SPMIP3: variants seen among roughly 807,000 people sequenced by gnomAD.
The protein encoded by SPMIP3 is protein SPMIP3.
chr1:244,381,326 G>A, the SPMIP3 span, among the ~76,000 whole-genome samples: 9 of 152,120 alleles, frequency 5.9e-5, no homozygotes, highest in Non-Finnish European at 1.3e-4. Context: ...GGAAATCTAG[G>A]TGCGCCTCCA....
the SPMIP3 span, among the ~76,000 whole-genome samples, chr1:244,377,291 C>A: frequency 6.6e-6 from 1 of 151,520 alleles, no homozygotes; most frequent in Non-Finnish European, 1.5e-5. Context: ...CCGACTAATT[C>A]TTTTTTGTAT....
At chr1:244,353,706 AAAG>A in the SPMIP3 span, among the ~76,000 whole-genome samples, 1 of 152,166 alleles carries the variant, frequency 6.6e-6, no homozygotes, top group African/African-American at 2.4e-5. Context: ...GAGAAGGAAA[AAAG>A]AAAGAGTATT....
the SPMIP3 span, among the ~76,000 whole-genome samples, chr1:244,388,083 A>G: frequency 6.6e-6 from 1 of 151,750 alleles, no homozygotes; most frequent in Non-Finnish European, 1.5e-5. Context: ...ACCTGCCACC[A>G]CGCCCGGCTA....
At chr1:244,382,452 G>A in the SPMIP3 span, among the ~76,000 whole-genome samples, 1 of 152,148 alleles carries the variant, frequency 6.6e-6, no homozygotes, top group African/African-American at 2.4e-5. Flanking sequence ...GGAATAGAAA[G>A]GAGACCAGTG....
the SPMIP3 span, among the ~76,000 whole-genome samples, chr1:244,381,999 C>T: frequency 8.5e-5 from 13 of 152,312 alleles, no homozygotes; most frequent in East Asian, 2.3e-3. Context: ...AGCTCTAAAG[C>T]AGTGTGCAGA....
At chr1:244,386,906 G>C in the SPMIP3 span, among the ~76,000 whole-genome samples, 3 of 152,112 alleles carry the variant, frequency 2.0e-5, no homozygotes, top group African/African-American at 7.2e-5. Context: ...TGTATACTTG[G>C]GCAAATTAAT....
At chr1:244,382,706 C>T in the SPMIP3 span, among the ~76,000 whole-genome samples, 2 of 147,022 alleles carry the variant, frequency 1.4e-5, no homozygotes, top group Admixed American at 7.2e-5. Flanking sequence ...CGGGTTCAAG[C>T]GATTCTCCTG....
At chr1:244,374,587 C>CTTTTTTTTTTTTTTTTTTTTTTT in the SPMIP3 span, among the ~76,000 whole-genome samples, 1 of 74,616 alleles carries the variant, frequency 1.3e-5, no homozygotes, top group Non-Finnish European at 2.4e-5. Flanking sequence ...CCACATTTCT[C>CTTTTTTTTTTTTTTTTTTTTTTT]TTTTTTTTTT....
chr1:244,384,106 G>C, the SPMIP3 span, among the ~76,000 whole-genome samples: 1 of 152,174 alleles, frequency 6.6e-6, no homozygotes, highest in African/African-American at 2.4e-5. Flanking sequence ...TTTTGAAAAT[G>C]TTCCTCTAAC....
At chr1:244,365,835 G>C in the SPMIP3 span, among the ~76,000 whole-genome samples, 3 of 152,234 alleles carry the variant, frequency 2.0e-5, no homozygotes, top group East Asian at 5.8e-4. Flanking sequence ...TTTTGGATTG[G>C]ACCATTTTAC....
At chr1:244,383,162 A>G in the SPMIP3 span, among the ~76,000 whole-genome samples, 34 of 152,266 alleles carry the variant, frequency 2.2e-4, no homozygotes, top group South Asian at 1.2e-3. Context: ...GTGCCAGTCA[A>G]TGTGACAGCT....
the SPMIP3 span, among the ~76,000 whole-genome samples, chr1:244,352,931 G>C: frequency 2.0e-5 from 3 of 152,130 alleles, no homozygotes; most frequent in African/African-American, 7.2e-5. Context: ...TTGAATTCTT[G>C]TCATAGTTTT....
At chr1:244,356,180 G>A in the SPMIP3 span, among the ~76,000 whole-genome samples, 1 of 152,158 alleles carries the variant, frequency 6.6e-6, no homozygotes, top group African/African-American at 2.4e-5. Context: ...TATGAGTAGT[G>A]AGAGTAAACA....
chr1:244,357,350 C>T, the SPMIP3 span, among the ~76,000 whole-genome samples: 1 of 151,976 alleles, frequency 6.6e-6, no homozygotes, highest in Non-Finnish European at 1.5e-5. Context: ...GGAGTGGAGT[C>T]TTATTTTAAA....
the SPMIP3 span, among the ~76,000 whole-genome samples, chr1:244,384,619 G>T: frequency 1.3e-5 from 2 of 152,160 alleles, no homozygotes; most frequent in Middle Eastern, 3.2e-3. Flanking sequence ...CAAAGTGGGG[G>T]TCCCAGGCAT....
At chr1:244,373,139 G>A in the SPMIP3 span, among the ~76,000 whole-genome samples, 9 of 151,638 alleles carry the variant, frequency 5.9e-5, no homozygotes, top group Admixed American at 1.3e-4. Context: ...CCAGCACTTC[G>A]GGAGGTCAAG....
the SPMIP3 span, among the ~76,000 whole-genome samples, chr1:244,376,202 A>C: frequency 6.6e-6 from 1 of 152,124 alleles, no homozygotes; most frequent in African/African-American, 2.4e-5. Flanking sequence ...GCACGGTCAG[A>C]TTCTTGTTCT....
the SPMIP3 span, among the ~76,000 whole-genome samples, chr1:244,361,520 C>T: frequency 5.9e-5 from 9 of 152,032 alleles, no homozygotes; most frequent in Non-Finnish European, 7.4e-5. Context: ...TGAGCCACCG[C>T]GCCCGGCCTG....
the SPMIP3 span, among the ~76,000 whole-genome samples, chr1:244,372,434 C>T: frequency 4.7e-5 from 7 of 149,176 alleles, no homozygotes; most frequent in East Asian, 1.4e-3. Flanking sequence ...CTACTTTCTA[C>T]TGACTCTGAA....
Sources: gnomAD v4.1 joint callset for allele counts (sites outside exome capture counted in the v4.1 genomes callset) on GRCh38, gnomAD v4.1.1 for gene constraint, MANE v1.5 for transcripts, NCBI Gene and HGNC (gene_info 2026-07-23, HGNC 2026-07-21) for gene names.